MOSMO: variants seen among roughly 807,000 people sequenced by gnomAD.
MOSMO encodes modulator of smoothened protein.
In MOSMO, 5 loss-of-function variants were observed where a neutral mutation model predicts 18.4. The ratio of observed to expected loss-of-function variants is 0.27; its 90% CI spans 0.14 to 0.57. The LOEUF is 0.57. Among genes scored for constraint, MOSMO ranks in the 20% least tolerant of loss-of-function variants. The pLI is 0.92. For missense variants in MOSMO, 138 were observed against 211.8 expected (o/e 0.65, Z 2.16); for synonymous variants, 82 against 82.3 (o/e 1.00, Z 0.02).
chr16:22,017,784 T>C (rs533328532), intron 1 of MOSMO, among the ~76,000 whole-genome samples: 1 of 152,304 alleles, frequency 6.6e-6, no homozygotes, highest in Non-Finnish European at 1.5e-5. Flanking sequence ...GTGCATTCTC[T>C]TGTTAACTGC....
rs62047197 is a variant in MOSMO, at chr16:22,081,018, A to T, written c.*138A>T. ...TGCTCAGATGAAACTGATGCTGAGA[A>T]GGAAAAAAAAATGCTTTGGTTTGTT... On this transcript the variant is annotated 3_prime_UTR_variant, in exon 3 of 3. Coordinates refer to ENST00000542527, the MANE Select transcript of MOSMO (RefSeq NM_001164579.2). The T allele has an allele frequency of 0.091, 33,152 of 364,700 alleles. 15 individuals carry two copies. The highest frequency in any genetic ancestry group is 0.19 in the South Asian group (1,465 of 7,644). The allele number at this position is 364,700 out of a possible 1,614,324, so 22.6% of individuals were successfully genotyped here. A position where few individuals can be genotyped will look rare whatever the true frequency, so the allele number is the denominator to read the frequency against.
chr16:22,076,238 CT>C (rs1313120064), intron 2 of MOSMO: 3 of 152,618 alleles, frequency 2.0e-5, no homozygotes, highest in African/African-American at 7.2e-5. Flanking sequence ...TACACATTCT[CT>C]TGTACTTTGC....
chr16:22,023,708 G>A (rs2141987813), intron 1 of MOSMO, among the ~76,000 whole-genome samples: 1 of 152,104 alleles, frequency 6.6e-6, no homozygotes, highest in South Asian at 2.1e-4. Flanking sequence ...ACAGATATCA[G>A]CCATTCTCAG....
Position 22,082,037 on chromosome 16 carries a change from GTC to G in MOSMO, c.*1159_*1160del, listed in dbSNP as rs1901093894. The G allele has an allele frequency of 6.6e-6, 1 of 152,094 alleles. No homozygotes were observed. The highest frequency in any genetic ancestry group is 6.5e-5 in the Admixed American group (1 of 15,274). The allele number at this position is 152,094 out of a possible 1,614,324, so 9.4% of individuals were successfully genotyped here. ...CAGAGATTCTTTTTCTACTGGCTCA[GTC>G]TGTTACATTAATAATGCATTTTATA... On this transcript the variant is annotated 3_prime_UTR_variant, in exon 3 of 3. Transcript: ENST00000542527.
chr16:22,017,069 AG>A (rs1381398479), intron 1 of MOSMO, among the ~76,000 whole-genome samples: 1 of 152,168 alleles, frequency 6.6e-6, no homozygotes, highest in Non-Finnish European at 1.5e-5. Flanking sequence ...ATTTTTTTCT[AG>A]TTACTAGCTT....
At chr16:22,012,962 CAT>C (rs1899563183) in intron 1 of MOSMO, among the ~76,000 whole-genome samples, 1 of 151,996 alleles carries the variant, frequency 6.6e-6, no homozygotes, top group Non-Finnish European at 1.5e-5. Flanking sequence ...AGATCTGAAA[CAT>C]ATTGTATGTA....
At chr16:22,049,135 G>C (rs1900373683) in intron 1 of MOSMO, among the ~76,000 whole-genome samples, 1 of 152,096 alleles carries the variant, frequency 6.6e-6, no homozygotes, top group East Asian at 1.9e-4. Context: ...TCCCCAACCT[G>C]TGTTTCTTGC....
intron 2 of MOSMO, among the ~76,000 whole-genome samples, chr16:22,077,384 T>A (rs971653996): frequency 1.3e-5 from 2 of 152,194 alleles, no homozygotes; most frequent in Non-Finnish European, 2.9e-5. Flanking sequence ...CTTTATTTTT[T>A]AAATAATTTA....
At chr16:22,072,494 G>C (rs888669298) in intron 1 of MOSMO, among the ~76,000 whole-genome samples, 1 of 152,166 alleles carries the variant, frequency 6.6e-6, no homozygotes, top group Non-Finnish European at 1.5e-5. Context: ...CTACTATGCT[G>C]AGCACGAGAG....
At chr16:22,021,209 G>T (rs1023576148) in intron 1 of MOSMO, among the ~76,000 whole-genome samples, 1 of 152,206 alleles carries the variant, frequency 6.6e-6, no homozygotes, top group Non-Finnish European at 1.5e-5. Context: ...GTTACTGCTC[G>T]TTGAGGGGAC....
chr16:22,042,383 C>T (rs1398100367), intron 1 of MOSMO, among the ~76,000 whole-genome samples: 5 of 152,194 alleles, frequency 3.3e-5, no homozygotes, highest in African/African-American at 1.2e-4. Flanking sequence ...GGCTCCATCA[C>T]CTGGAGTTTA....
intron 1 of MOSMO, among the ~76,000 whole-genome samples, chr16:22,072,772 A>AC (rs1240993913): frequency 2.0e-5 from 3 of 149,962 alleles, no homozygotes; most frequent in Non-Finnish European, 4.4e-5. Flanking sequence ...GCGCCACTGC[A>AC]CTCCAGCCTG....
intron 1 of MOSMO, among the ~76,000 whole-genome samples, chr16:22,035,093 A>C (rs1319381049): frequency 6.6e-6 from 1 of 152,028 alleles, no homozygotes; most frequent in East Asian, 1.9e-4. Flanking sequence ...CCCTTTGATC[A>C]TACAGGAGTC....
At chr16:22,013,641 T>G (rs989361075) in intron 1 of MOSMO, among the ~76,000 whole-genome samples, 1 of 152,168 alleles carries the variant, frequency 6.6e-6, no homozygotes, top group Non-Finnish European at 1.5e-5. Context: ...GTGACCGTAA[T>G]CCTAATCATC....
intron 1 of MOSMO, among the ~76,000 whole-genome samples, chr16:22,017,112 T>G (rs1899654330): frequency 6.6e-6 from 1 of 152,210 alleles, no homozygotes. Flanking sequence ...ATTTTTTCCA[T>G]AACCCATTTC....
intron 1 of MOSMO, among the ~76,000 whole-genome samples, chr16:22,049,617 G>T (rs538212497): frequency 6.6e-6 from 1 of 152,152 alleles, no homozygotes; most frequent in South Asian, 2.1e-4. Context: ...TTGCACAGAG[G>T]TTATTGTTTA....
At chr16:22,033,556 G>A (rs1034281455) in intron 1 of MOSMO, among the ~76,000 whole-genome samples, 4 of 151,612 alleles carry the variant, frequency 2.6e-5, no homozygotes, top group African/African-American at 4.8e-5. Context: ...CCCAGCTCAC[G>A]CCTGTAATCC....
At chr16:22,014,509 C>G (rs1899599541) in intron 1 of MOSMO, among the ~76,000 whole-genome samples, 1 of 152,086 alleles carries the variant, frequency 6.6e-6, no homozygotes. Flanking sequence ...ATCTGGTAAA[C>G]CTCAGATAAG....
chr16:22,009,870 T>C (rs970039335), intron 1 of MOSMO, among the ~76,000 whole-genome samples: 2 of 134,382 alleles, frequency 1.5e-5, no homozygotes, highest in Non-Finnish European at 3.1e-5. Context: ...CGTGCACCTG[T>C]AATCCCAGCT....
Sources: allele counts gnomAD v4.1 joint callset (sites outside exome capture counted in the v4.1 genomes callset), GRCh38; gene constraint gnomAD v4.1.1; transcripts MANE v1.5; gene names NCBI Gene and HGNC (gene_info 2026-07-23, HGNC 2026-07-21).